Variants in CUX1 observed in about 807,000 individuals in gnomAD.
The protein encoded by CUX1 is protein CASP.
CUX1 carries 31 observed loss-of-function variants against 158.8 expected under a neutral mutation model. The observed-to-expected ratio is 0.20, with a 90% CI of 0.15 to 0.26. The LOEUF (loss-of-function observed/expected upper bound fraction) is 0.26. Ranked by LOEUF, CUX1 falls within the 10% of genes least tolerant of loss-of-function variation. The pLI is 1.00. For synonymous variants in CUX1, 879 were observed against 862.1 expected (o/e 1.02, Z -0.34); for missense variants, 1,589 against 2,014.6 (o/e 0.79, Z 4.04).
chr7:101,912,663 G>A (rs1024550639), intron 1 of CUX1, among the ~76,000 whole-genome samples: 2 of 152,160 alleles, frequency 1.3e-5, no homozygotes, highest in African/African-American at 2.4e-5. Context: ...CAGCCTATGC[G>A]AGCATATGGA....
At chr7:101,817,409 G>T, upstream of CUX1, 1 of 984,652 alleles carries the variant, frequency 1.0e-6, no homozygotes, top group Non-Finnish European at 1.2e-6. The surrounding 1 kb of genome is among the most constrained non-coding windows in gnomAD (Gnocchi z 4.1). Context: ...AGCCCCGGGG[G>T]CCCGTTGGGA....
chr7:101,984,919 A>T (rs543800864), intron 2 of CUX1, among the ~76,000 whole-genome samples: 15 of 152,294 alleles, frequency 9.8e-5, no homozygotes, highest in African/African-American at 3.6e-4. Flanking sequence ...GTTGTTTTAA[A>T]ACGTCTGAGA....
At chr7:102,090,342 G>T (rs1383099693) in intron 4 of CUX1, among the ~76,000 whole-genome samples, 6 of 151,458 alleles carry the variant, frequency 4.0e-5, no homozygotes, top group Non-Finnish European at 8.8e-5. Context: ...AACTCAGCTA[G>T]TCAATTTTCA....
At chr7:102,003,890 C>T (rs142006533) in intron 2 of CUX1, among the ~76,000 whole-genome samples, 321 of 152,264 alleles carry the variant, frequency 2.1e-3, no homozygotes, top group Admixed American at 5.4e-3. Context: ...CCTGTAATCC[C>T]GCCACTTTGG....
chr7:102,179,797 C>T (rs1268752242), intron 11 of CUX1, among the ~76,000 whole-genome samples: 1 of 152,226 alleles, frequency 6.6e-6, no homozygotes, highest in African/African-American at 2.4e-5. Context: ...AGGGCTTCAG[C>T]CCCAGGCCAG....
At chr7:102,043,270 A>G (rs147601675) in intron 3 of CUX1, among the ~76,000 whole-genome samples, 44 of 151,978 alleles carry the variant, frequency 2.9e-4, no homozygotes, top group Non-Finnish European at 6.0e-4. Context: ...GTTTTGATAC[A>G]TGCATACATT....
At chr7:102,016,229 C>T (rs1005452551) in intron 2 of CUX1, among the ~76,000 whole-genome samples, 2 of 152,182 alleles carry the variant, frequency 1.3e-5, no homozygotes, top group Admixed American at 1.3e-4. Flanking sequence ...ATTACAGGCA[C>T]ATGCCCCTGT....
intron 23 of CUX1, among the ~76,000 whole-genome samples, chr7:102,245,034 T>C (rs969814730): frequency 1.5e-4 from 23 of 152,206 alleles, no homozygotes; most frequent in Non-Finnish European, 2.4e-4. Context: ...GTTTGTTTTC[T>C]GATTTTGGTT....
intron 8 of CUX1, among the ~76,000 whole-genome samples, chr7:102,138,073 A>G (rs1484541065): frequency 2.0e-5 from 3 of 152,074 alleles, no homozygotes; most frequent in South Asian, 2.1e-4. Flanking sequence ...AGTCTTAGCT[A>G]CTTTGGAGAC....
At chr7:101,968,135 G>T (rs1811459903) in intron 2 of CUX1, among the ~76,000 whole-genome samples, 1 of 151,582 alleles carries the variant, frequency 6.6e-6, no homozygotes, top group Admixed American at 6.6e-5. Context: ...CAATTCCGAG[G>T]CTCAAGTGAT....
chr7:102,132,861 A>C (rs1418761988), intron 8 of CUX1, among the ~76,000 whole-genome samples: 1 of 151,828 alleles, frequency 6.6e-6, no homozygotes, highest in African/African-American at 2.4e-5. Flanking sequence ...TAGTAGTGAC[A>C]GGGTTCACCA....
At chr7:101,817,017 C>T (rs1216001796), upstream of CUX1, 3 of 984,400 alleles carry the variant, frequency 3.0e-6, no homozygotes, top group Non-Finnish European at 3.6e-6. This position sits in a 1 kb window ranked among gnomAD's most constrained non-coding sequence, Gnocchi z 4.1. Context: ...GTGACGCGGA[C>T]CTGTTCCTCC....
intron 2 of CUX1, among the ~76,000 whole-genome samples, chr7:101,995,147 G>A (rs1815681996): frequency 6.6e-6 from 1 of 152,094 alleles, no homozygotes; most frequent in African/African-American, 2.4e-5. Context: ...CCTGGCTGGG[G>A]GTGATTGTGG....
intron 3 of CUX1, among the ~76,000 whole-genome samples, chr7:102,053,028 T>C (rs1823708560): frequency 6.6e-6 from 1 of 152,202 alleles, no homozygotes; most frequent in Non-Finnish European, 1.5e-5. Flanking sequence ...CAGGCTGGTC[T>C]CGAACTCCTG....
At chr7:101,919,420 T>G (rs1488100220) in intron 2 of CUX1, among the ~76,000 whole-genome samples, 1 of 152,096 alleles carries the variant, frequency 6.6e-6, no homozygotes, top group Admixed American at 6.6e-5. Flanking sequence ...GGTTGTTGCA[T>G]GTGTAGAAAC....
intron 2 of CUX1, among the ~76,000 whole-genome samples, chr7:101,979,139 G>A (rs561514794): frequency 2.0e-5 from 3 of 152,290 alleles, no homozygotes; most frequent in African/African-American, 7.2e-5. Context: ...GTAGGCTCTC[G>A]GGAACATGTT....
chr7:101,816,847 G>GC, upstream of CUX1: 1 of 927,254 alleles, frequency 1.1e-6, no homozygotes, highest in East Asian at 1.3e-4. Flanking sequence ...GCCGGCCCCG[G>GC]CCGCCGCCCC....
chr7:102,030,448 C>T (rs1237129742), intron 3 of CUX1, among the ~76,000 whole-genome samples: 1 of 150,846 alleles, frequency 6.6e-6, no homozygotes, highest in East Asian at 2.0e-4. Flanking sequence ...CCCTCAAACA[C>T]ACGTGGAAGG....
rs35020263 is a variant in CUX1 at position 102,013,125 on chromosome 7, C to CAAAAAAAAAA, written c.142-14967_142-14958dup. On this transcript the variant is annotated intron_variant, in intron 2 of 23. Transcript: ENST00000292535. The stretch of plus-strand genomic sequence containing the variant: ...ACATTCTGCCATTCTGCCGTCATAC[C>CAAAAAAAAAA]AAAAAAAAAAAAAAAGCACCATCCC... Among the ~76,000 whole-genome samples the CAAAAAAAAAA allele has an allele frequency of 1.8e-5, 2 of 112,598 alleles. 1 individual carries two copies. 73.9% of individuals were successfully genotyped at this position (112,598 alleles called of 152,430 possible).
Sources: allele counts gnomAD v4.1 joint callset (sites outside exome capture counted in the v4.1 genomes callset), GRCh38; gene constraint gnomAD v4.1.1; non-coding constraint Gnocchi (gnomAD v3.1); transcripts MANE v1.5; gene names NCBI Gene and HGNC (gene_info 2026-07-23, HGNC 2026-07-21).